KCNQ3: variants seen among roughly 807,000 people sequenced by gnomAD.
KCNQ3 encodes potassium voltage-gated channel subfamily KQT member 3.
In KCNQ3, 30 loss-of-function variants were observed where a neutral mutation model predicts 92.5. The observed-to-expected ratio is 0.32, with a 90% confidence interval of 0.24 to 0.44. The LOEUF (loss-of-function observed/expected upper bound fraction) is 0.44. Ranked by LOEUF, KCNQ3 falls within the 20% of genes least tolerant of loss-of-function variation. KCNQ3 has a pLI of 1.00. For missense variants in KCNQ3, 913 were observed against 1,140.3 expected, an observed-to-expected ratio of 0.80 and a Z score of 2.87; for synonymous variants, 450 against 468.8, an observed-to-expected ratio of 0.96 and a Z score of 0.52.
intron 1 of KCNQ3, among the ~76,000 whole-genome samples, chr8:132,333,691 A>C (rs1818291365): frequency 6.6e-6 from 1 of 152,052 alleles, no homozygotes; most frequent in African/African-American, 2.4e-5. Context: ...TAAACATAGT[A>C]ATGTAAACTT....
At chr8:132,194,296 T>G (rs190022235) in intron 1 of KCNQ3, among the ~76,000 whole-genome samples, 2 of 152,318 alleles carry the variant, frequency 1.3e-5, no homozygotes, top group African/African-American at 4.8e-5. Flanking sequence ...GAAGGAGACA[T>G]AACCTTAAAA....
intron 8 of KCNQ3, 102 bp from the exon 9 acceptor site, chr8:132,163,596 G>T: frequency 1.0e-6 from 1 of 1,002,598 alleles, no homozygotes; most frequent in Non-Finnish European, 1.6e-6. Context: ...AGATGATGGA[G>T]CAGAGTTGAG....
intron 1 of KCNQ3, among the ~76,000 whole-genome samples, chr8:132,477,355 A>T (rs952322931): frequency 6.6e-6 from 1 of 152,048 alleles, no homozygotes; most frequent in African/African-American, 2.4e-5. Context: ...TAATTTAAAA[A>T]AAAAAAAAAA....
At chr8:132,152,198 G>A (rs1219134742) in intron 9 of KCNQ3, among the ~76,000 whole-genome samples, 3 of 152,140 alleles carry the variant, frequency 2.0e-5, no homozygotes, top group African/African-American at 7.2e-5. Context: ...AAAATGTACA[G>A]GACTCATGAA....
intron 12 of KCNQ3, 150 bp from the exon 13 acceptor site, chr8:132,134,538 A>G (rs1825009476): frequency 3.1e-6 from 2 of 636,220 alleles, no homozygotes. Context: ...AGGAGAGGGG[A>G]GGAGAGGAGA....
chr8:132,243,699 T>C (rs746793166), intron 1 of KCNQ3, among the ~76,000 whole-genome samples: 9 of 152,150 alleles, frequency 5.9e-5, no homozygotes, highest in Non-Finnish European at 1.2e-4. Flanking sequence ...AATGACTTAA[T>C]CTCCCCAACC....
intron 1 of KCNQ3, among the ~76,000 whole-genome samples, chr8:132,313,667 A>G (rs1267635782): frequency 6.6e-6 from 1 of 152,232 alleles, no homozygotes; most frequent in African/African-American, 2.4e-5. Context: ...ATGGGATCCA[A>G]TTAATGTTAT....
At chr8:132,153,551 C>T (rs1410081537) in intron 9 of KCNQ3, among the ~76,000 whole-genome samples, 2 of 152,176 alleles carry the variant, frequency 1.3e-5, no homozygotes, top group Admixed American at 6.5e-5. Flanking sequence ...AGTTAAAAGG[C>T]ACAGCACAGG....
At chr8:132,216,677 A>C (rs1385018946) in intron 1 of KCNQ3, among the ~76,000 whole-genome samples, 1 of 152,172 alleles carries the variant, frequency 6.6e-6, no homozygotes, top group East Asian at 1.9e-4. Context: ...AAATGCCACA[A>C]AAAAAGGGGT....
At chr8:132,429,996 T>C (rs577675502) in intron 1 of KCNQ3, among the ~76,000 whole-genome samples, 32 of 152,230 alleles carry the variant, frequency 2.1e-4, no homozygotes, top group African/African-American at 7.2e-4. Flanking sequence ...CAAAAAGTGT[T>C]TTCTCATTCT....
At chr8:132,205,299 A>G (rs988370439) in intron 1 of KCNQ3, among the ~76,000 whole-genome samples, 2 of 152,244 alleles carry the variant, frequency 1.3e-5, no homozygotes, top group Non-Finnish European at 2.9e-5. Flanking sequence ...CAAAAGTGTT[A>G]CTAAAAATCC....
intron 1 of KCNQ3, among the ~76,000 whole-genome samples, chr8:132,260,529 G>A (rs1445686039): frequency 6.6e-6 from 1 of 152,098 alleles, no homozygotes; most frequent in East Asian, 1.9e-4. Flanking sequence ...AGAACAATTA[G>A]GCTAGATAAG....
At chr8:132,251,717 C>CA in intron 1 of KCNQ3, among the ~76,000 whole-genome samples, 1 of 152,186 alleles carries the variant, frequency 6.6e-6, no homozygotes, top group Non-Finnish European at 1.5e-5. Context: ...CTATAGGCTA[C>CA]TCAAGTTCTT....
chr8:132,261,877 G>A (rs1177974172), intron 1 of KCNQ3, among the ~76,000 whole-genome samples: 1 of 152,148 alleles, frequency 6.6e-6, no homozygotes, highest in East Asian at 1.9e-4. Flanking sequence ...CTCACTTTGG[G>A]CACAAAGTTT....
chr8:132,260,160 C>T (rs776292785), intron 1 of KCNQ3, among the ~76,000 whole-genome samples: 6 of 152,070 alleles, frequency 3.9e-5, no homozygotes, highest in South Asian at 4.1e-4. Context: ...GGCTTCAATT[C>T]GATTTGTATT....
At chr8:132,280,527 C>T (rs1042549330) in intron 1 of KCNQ3, among the ~76,000 whole-genome samples, 3 of 152,174 alleles carry the variant, frequency 2.0e-5, no homozygotes, top group African/African-American at 7.2e-5. Flanking sequence ...CAGCAACAAG[C>T]CATGACGGAT....
In KCNQ3 at chr8:132,480,833, G is replaced by A; in HGVS notation, c.-301C>T. The stretch of plus-strand genomic sequence containing the variant: ...GGGCGCGCGAGGCTGGCGCGGAGGC[G>A]CTAGGGCGCGCGGCGGCGGGAGCCT... On this transcript the variant is annotated 5_prime_UTR_variant, in exon 1 of 15. Coordinates refer to ENST00000388996, the MANE Select transcript of KCNQ3 (RefSeq NM_004519.4). 1 of 160,332 alleles carries A rather than the reference G, an allele frequency of 6.2e-6. No individual in the cohort carries two copies. The highest frequency in any genetic ancestry group is 1.3e-5 in the Non-Finnish European group (1 of 76,028). 9.9% of individuals were successfully genotyped at this position (160,332 alleles called of 1,614,324 possible). A position where few individuals can be genotyped will look rare whatever the true frequency, so the allele number is the denominator to read the frequency against.
intron 1 of KCNQ3, among the ~76,000 whole-genome samples, chr8:132,307,657 C>T (rs1817466543): frequency 6.6e-6 from 1 of 152,170 alleles, no homozygotes; most frequent in Admixed American, 6.5e-5. Flanking sequence ...AAAGTACTCA[C>T]TCATAAGTGT....
At chr8:132,307,951 C>G (rs1455110832) in intron 1 of KCNQ3, among the ~76,000 whole-genome samples, 1 of 152,152 alleles carries the variant, frequency 6.6e-6, no homozygotes, top group Admixed American at 6.5e-5. Context: ...AGCTTCTTTT[C>G]CTTTTGGACC....
Sources: allele counts gnomAD v4.1 joint callset (sites outside exome capture counted in the v4.1 genomes callset), GRCh38; gene constraint gnomAD v4.1.1; transcripts MANE v1.5; gene names NCBI Gene and HGNC (gene_info 2026-07-23, HGNC 2026-07-21).